SNX29: variants seen among roughly 807,000 people sequenced by gnomAD.
The protein encoded by SNX29 is sorting nexin-29.
A neutral mutation model predicts 102.1 loss-of-function variants in SNX29; 78 were observed. The observed-to-expected ratio is 0.76, with a 90% CI of 0.64 to 0.92. SNX29 has a LOEUF of 0.92. SNX29 is among the 40% of genes least tolerant of loss of function. The pLI, the probability that SNX29 is intolerant of heterozygous loss-of-function variation, is 0.00. For synonymous variants in SNX29, 580 were observed against 414.5 expected, an observed-to-expected ratio of 1.40 and a Z score of -4.85; for missense variants, 1,280 against 1,061.7, an observed-to-expected ratio of 1.21 and a Z score of -2.86.
At chr16:12,239,492 C>G (rs529584625) in intron 14 of SNX29, among the ~76,000 whole-genome samples, 1 of 151,904 alleles carries the variant, frequency 6.6e-6, no homozygotes, top group South Asian at 2.1e-4. Context: ...CAAATGTTGG[C>G]TTATTTAAAC....
At chr16:12,521,025 A>G (rs1281876981) in intron 19 of SNX29, among the ~76,000 whole-genome samples, 6 of 152,066 alleles carry the variant, frequency 3.9e-5, no homozygotes, top group Admixed American at 2.6e-4. Flanking sequence ...TAAAAATACA[A>G]AAATTAGCCA....
chr16:12,457,554 C>G (rs1004683959), intron 18 of SNX29, among the ~76,000 whole-genome samples: 1 of 152,164 alleles, frequency 6.6e-6, no homozygotes, highest in African/African-American at 2.4e-5. Context: ...AGGAAGAACA[C>G]AGATTAGGTG....
chr16:12,299,373 T>G (rs953174677), intron 15 of SNX29, among the ~76,000 whole-genome samples: 4 of 152,236 alleles, frequency 2.6e-5, no homozygotes, highest in Non-Finnish European at 5.9e-5. Flanking sequence ...AATTTTTCTT[T>G]GTGATATTCA....
intron 20 of SNX29, among the ~76,000 whole-genome samples, chr16:12,534,634 T>C (rs1032266027): frequency 1.3e-5 from 2 of 152,142 alleles, no homozygotes; most frequent in Non-Finnish European, 2.9e-5. Flanking sequence ...CATTCATGGG[T>C]AAAATTCACC....
At chr16:12,195,555 C>A (rs1238941106) in intron 13 of SNX29, among the ~76,000 whole-genome samples, 5 of 152,216 alleles carry the variant, frequency 3.3e-5, no homozygotes, top group African/African-American at 1.2e-4. Context: ...CCTCTCTTAG[C>A]AAAGCTGGCT....
intron 20 of SNX29, among the ~76,000 whole-genome samples, chr16:12,554,328 G>A (rs1410553354): frequency 6.6e-6 from 1 of 152,128 alleles, no homozygotes; most frequent in African/African-American, 2.4e-5. Context: ...AATGGGACCA[G>A]ATGTCTTTTG....
intron 1 of SNX29, among the ~76,000 whole-genome samples, chr16:11,993,389 C>T (rs941726931): frequency 9.2e-5 from 14 of 152,010 alleles, no homozygotes; most frequent in Non-Finnish European, 2.1e-4. Context: ...AACACAGAGG[C>T]TTGGATTGAA....
chr16:12,424,099 C>G (rs2151598962), intron 18 of SNX29, among the ~76,000 whole-genome samples: 1 of 152,350 alleles, frequency 6.6e-6, no homozygotes, highest in East Asian at 1.9e-4. Flanking sequence ...GAGGCGTGAT[C>G]AGAAAGATTT....
At chr16:12,167,600 A>G (rs1045751982) in intron 13 of SNX29, among the ~76,000 whole-genome samples, 10 of 152,148 alleles carry the variant, frequency 6.6e-5, no homozygotes, top group Admixed American at 2.6e-4. Flanking sequence ...GATTATGATG[A>G]CTGCAGCTCA....
chr16:12,481,865 T>C (rs2087952181), intron 19 of SNX29, among the ~76,000 whole-genome samples: 1 of 152,186 alleles, frequency 6.6e-6, no homozygotes, highest in Non-Finnish European at 1.5e-5. Flanking sequence ...CTTTGATTCC[T>C]TCTTTCTTTT....
intron 11 of SNX29, among the ~76,000 whole-genome samples, chr16:12,099,350 C>A (rs998898996): frequency 6.6e-6 from 1 of 152,168 alleles, no homozygotes; most frequent in African/African-American, 2.4e-5. Context: ...TCCTCTTCCA[C>A]TGAAGGAAGG....
intron 18 of SNX29, among the ~76,000 whole-genome samples, chr16:12,450,768 A>T (rs140978607): frequency 6.6e-6 from 1 of 152,156 alleles, no homozygotes; most frequent in Non-Finnish European, 1.5e-5. Context: ...GTATGATTGG[A>T]GCTTTAGGCC....
At chr16:12,159,256 A>G (rs2055681115) in intron 13 of SNX29, among the ~76,000 whole-genome samples, 1 of 152,186 alleles carries the variant, frequency 6.6e-6, no homozygotes, top group South Asian at 2.1e-4. Context: ...CCTGTGGAGC[A>G]TTGTAGGGAG....
At chr16:12,209,295 T>G (rs531329666) in intron 14 of SNX29, among the ~76,000 whole-genome samples, 1 of 152,312 alleles carries the variant, frequency 6.6e-6, no homozygotes, top group South Asian at 2.1e-4. Flanking sequence ...GTTCAAGCGA[T>G]TCTCTTACCT....
chr16:12,042,998 G>A lies in SNX29; in HGVS notation c.349G>A (p.Ala117Thr), dbSNP rs760072629. ...HIASDVGRGRAWLRCALNEHS... is the reference protein window; with the variant it reads ...HIASDVGRGRTWLRCALNEHS... ...CGCCTCAGACGTGGGCCGGGGTCGC[G>A]CCTGGCTGCGCTGTGCCCTCAACGA... The change falls in exon 5 of 21, where the codon GCC becomes ACC. Residue 117 changes from alanine to threonine, a missense_variant. Physicochemically the swap from Ala to Thr is moderately conservative, Grantham distance 58. Transcript: ENST00000566228. 13 of 1,613,552 alleles carry A rather than the reference G, an allele frequency of 8.1e-6. No homozygotes were observed. Among genetic ancestry groups the A allele is most frequent in the Non-Finnish European group, 1.1e-5 (13 of 1,179,858 alleles).
At chr16:12,467,009 C>T (rs1314937188) in intron 18 of SNX29, among the ~76,000 whole-genome samples, 2 of 152,158 alleles carry the variant, frequency 1.3e-5, no homozygotes, top group Admixed American at 1.3e-4. Context: ...CAAGAGTGCC[C>T]ACCTTTTCCC....
chr16:12,545,898 C>A (rs968822928), intron 20 of SNX29, among the ~76,000 whole-genome samples: 1 of 152,098 alleles, frequency 6.6e-6, no homozygotes, highest in Non-Finnish European at 1.5e-5. Flanking sequence ...GGTGGGGTAC[C>A]TGGAGCATTC....
chr16:12,068,729 G>A (rs912740870), intron 9 of SNX29, among the ~76,000 whole-genome samples: 6 of 152,114 alleles, frequency 3.9e-5, no homozygotes, highest in Admixed American at 6.5e-5. Context: ...ATTTTTAGTA[G>A]AGATGGGGTT....
chr16:12,525,151 G>A (rs1349251407), intron 20 of SNX29, among the ~76,000 whole-genome samples: 1 of 152,096 alleles, frequency 6.6e-6, no homozygotes, highest in Non-Finnish European at 1.5e-5. Flanking sequence ...TTTCTGTACA[G>A]CCCACGGGTG....
Sources: allele counts gnomAD v4.1 joint callset (sites outside exome capture counted in the v4.1 genomes callset), GRCh38; gene constraint gnomAD v4.1.1; transcripts MANE v1.5; gene names NCBI Gene and HGNC (gene_info 2026-07-23, HGNC 2026-07-21).